PCLO: variants seen among roughly 807,000 people sequenced by gnomAD.
The protein encoded by PCLO is piccolo presynaptic cytomatrix protein, also known as protein piccolo.
A neutral mutation model predicts 427.5 loss-of-function variants in PCLO; 82 were observed. The ratio of observed to expected loss-of-function variants is 0.19; its 90% confidence interval spans 0.16 to 0.23. The LOEUF is 0.23. Ranked by LOEUF, PCLO falls within the 10% of genes least tolerant of loss-of-function variation. The pLI is 1.00. For missense variants in PCLO, 6,239 were observed against 6,115.9 expected (o/e 1.02, Z -0.67); for synonymous variants, 2,357 against 2,155.4 (o/e 1.09, Z -2.59).
chr7:82,957,742 C>T (rs2115589081), intron 4 of PCLO, among the ~76,000 whole-genome samples: 1 of 152,320 alleles, frequency 6.6e-6, no homozygotes, highest in African/African-American at 2.4e-5. Context: ...AGGTGTTTCA[C>T]TAATGTCACT....
chr7:83,139,682 CCCT>C (rs779274014), intron 2 of PCLO, among the ~76,000 whole-genome samples: 9 of 152,116 alleles, frequency 5.9e-5, no homozygotes, highest in Non-Finnish European at 1.0e-4. Flanking sequence ...AGACTCCAAC[CCCT>C]CATCTTTTGT....
chr7:82,871,283 T>C (rs1014901984), intron 10 of PCLO, among the ~76,000 whole-genome samples: 4 of 151,980 alleles, frequency 2.6e-5, no homozygotes, highest in African/African-American at 7.2e-5. Context: ...ATTGAAAGAA[T>C]GAAATCATAT....
At position 82,956,095 on chromosome 7, in the gene PCLO, C is replaced by A; in HGVS notation, c.4858G>T (p.Asp1620Tyr). Residue 1620 changes from aspartate (D) to tyrosine (Y), a missense_variant, in exon 5 of 25, where the codon GAT (aspartate) becomes TAT (tyrosine). By Grantham distance (160) the Asp-to-Tyr change is radical (BLOSUM62 -3). This residue lies in a region of PCLO where 4,677 missense variants were observed against 4,468.4 expected (regional missense o/e 1.05). Coordinates refer to ENST00000333891, the MANE Select transcript of PCLO (RefSeq NM_033026.6). ...GAGTGACGTCTTCCTGCATCTTCATCAATGCTTGTGCTACTTTTTCGAGTC... is the reference window on the plus strand; with the variant it reads ...GAGTGACGTCTTCCTGCATCTTCATAAATGCTTGTGCTACTTTTTCGAGTC... ...RLTRKSSTSI[D>Y]EDAGRRHSWH... is the part of the protein sequence containing the mutation. 1 of 1,611,232 alleles carries A rather than the reference C, an allele frequency of 6.2e-7. No homozygotes were observed. Among genetic ancestry groups the A allele is most frequent in the African/African-American group, 1.3e-5 (1 of 75,044 alleles).
intron 3 of PCLO, among the ~76,000 whole-genome samples, chr7:83,020,553 C>T (rs912622619): frequency 6.6e-6 from 1 of 152,088 alleles, no homozygotes; most frequent in Non-Finnish European, 1.5e-5. Flanking sequence ...TCTCTTTTGG[C>T]CTCCTGCTCT....
chr7:82,857,459 C>T (rs1431868844), intron 10 of PCLO, among the ~76,000 whole-genome samples: 3 of 152,074 alleles, frequency 2.0e-5, no homozygotes, highest in African/African-American at 7.2e-5. Context: ...TATCTTACTA[C>T]TCAGATGATA....
At chr7:82,985,561 G>A (rs149349451) in intron 3 of PCLO, among the ~76,000 whole-genome samples, 11 of 151,888 alleles carry the variant, frequency 7.2e-5, no homozygotes, top group South Asian at 2.1e-4. Flanking sequence ...AGGCTGTGTC[G>A]TTTTCTGCTT....
At chr7:82,925,017 G>A (rs571396152) in intron 6 of PCLO, among the ~76,000 whole-genome samples, 1 of 152,196 alleles carries the variant, frequency 6.6e-6, no homozygotes, top group African/African-American at 2.4e-5. Flanking sequence ...AGGGTCATTT[G>A]TCCCATTTTA....
intron 3 of PCLO, among the ~76,000 whole-genome samples, chr7:83,089,826 G>T (rs1486198736): frequency 1.3e-5 from 2 of 152,092 alleles, no homozygotes; most frequent in African/African-American, 4.8e-5. Flanking sequence ...AGTCCCCCTT[G>T]CCTTCTGAAT....
At chr7:82,939,727 A>T (rs1233289838) in intron 6 of PCLO, among the ~76,000 whole-genome samples, 1 of 148,118 alleles carries the variant, frequency 6.8e-6, no homozygotes, top group Non-Finnish European at 1.5e-5. Context: ...TAAAATATAT[A>T]TTTTTATTAT....
rs1482008986 is a variant in PCLO, at chr7:82,951,974, G to A, written c.8979C>T (p.Ser2993=). Residue 2993 remains serine (S), a synonymous_variant, in exon 5 of 25, where the codon TCC becomes TCT. Transcript: ENST00000333891. Reference sequence around the variant, plus strand: ...CTTCTGCTAAATTTGTGTCAGACATGGAAGGCTTCATTCCCCCAATCCCTC... The same window carrying A: ...CTTCTGCTAAATTTGTGTCAGACATAGAAGGCTTCATTCCCCCAATCCCTC... ...GYRGIGGMKP[S]MSDTNLAEAG... is the part of the protein sequence containing the mutation. 6.2e-7 allele frequency: 1 copy of A among 1,613,890 alleles called. No homozygotes were observed. The highest frequency in any genetic ancestry group is 8.5e-7 in the Non-Finnish European group (1 of 1,179,832).
At chr7:82,780,507 C>G (rs1370291886) in intron 22 of PCLO, among the ~76,000 whole-genome samples, 1 of 152,070 alleles carries the variant, frequency 6.6e-6, no homozygotes, top group African/African-American at 2.4e-5. Context: ...AATGCTTGAA[C>G]AGCAAAATAA....
chr7:83,059,794 T>C (rs1789498609), intron 3 of PCLO, among the ~76,000 whole-genome samples: 1 of 151,832 alleles, frequency 6.6e-6, no homozygotes, highest in African/African-American at 2.4e-5. Flanking sequence ...CCCAATTAGA[T>C]GGAAAGTAGA....
intron 21 of PCLO, among the ~76,000 whole-genome samples, chr7:82,805,086 C>CTTTTTTTTTTTTTT (rs111966448): frequency 6.7e-6 from 1 of 149,298 alleles, no homozygotes; most frequent in Non-Finnish European, 1.5e-5. Flanking sequence ...TGCAAAATGA[C>CTTTTTTTTTTTTTT]TTTTTTTTTA....
intron 6 of PCLO, among the ~76,000 whole-genome samples, chr7:82,926,509 A>C (rs2116320816): frequency 6.6e-6 from 1 of 152,326 alleles, no homozygotes; most frequent in South Asian, 2.1e-4. Flanking sequence ...TACATGTATA[A>C]GTTATTTATC....
chr7:82,824,283 G>C lies in PCLO; in HGVS notation c.14549C>G (p.Ser4850Cys), dbSNP rs765801074. ...ACCATGGCTTCTGCTTTTGATAACAGATGGCTTTGGGGACTGCTGGCTGCT... is the reference window on the plus strand; with the variant it reads ...ACCATGGCTTCTGCTTTTGATAACACATGGCTTTGGGGACTGCTGGCTGCT... The part of the protein sequence containing the change: ...SQSSQQSPKP[S>C]VIKSRSHGIF... The change falls in exon 19 of 25, where the codon TCT becomes TGT. Residue 4850 changes from serine (S) to cysteine (C), a missense_variant. Physicochemically the swap from Ser to Cys is moderately radical, Grantham distance 112. Coordinates refer to ENST00000333891, the MANE Select transcript of PCLO (RefSeq NM_033026.6). The C allele has an allele frequency of 1.2e-6, 2 of 1,613,370 alleles. No homozygotes were observed. The highest frequency in any genetic ancestry group is 3.3e-5 in the Admixed American group (2 of 59,934).
At chr7:82,923,797 C>T (rs1017283534) in intron 6 of PCLO, among the ~76,000 whole-genome samples, 1 of 151,978 alleles carries the variant, frequency 6.6e-6, no homozygotes, top group Non-Finnish European at 1.5e-5. Flanking sequence ...ATTCATGTAC[C>T]AACCATGGCT....
chr7:82,953,729 A>AGGGGGGGGG lies in PCLO; in HGVS notation c.7223_7224insCCCCCCCCC (p.Pro2424_Pro2426dup). The AGGGGGGGGG allele has an allele frequency of 1.7e-6, 1 of 585,250 alleles. No homozygotes were observed. Among genetic ancestry groups the AGGGGGGGGG allele is most frequent in the Non-Finnish European group, 2.3e-6 (1 of 440,716 alleles). The allele number at this position is 585,250 out of a possible 1,614,324, so 36.3% of individuals were successfully genotyped here. ...GAGGAGGAGGAGGGGGAGGGGGAGG[A>AGGGGGGGGG]GGGGGAGGAGGTTGAGCTGATATAT... On this transcript the variant is annotated inframe_insertion, in exon 5 of 25. Transcript: ENST00000333891.
At chr7:82,843,096 A>G (rs1584036960) in intron 13 of PCLO, among the ~76,000 whole-genome samples, 1 of 152,268 alleles carries the variant, frequency 6.6e-6, no homozygotes, top group East Asian at 1.9e-4. Flanking sequence ...AGAGATACCA[A>G]CACTCTCAGG....
At chr7:82,784,711 AAGGTAT>A (rs1372550585) in intron 22 of PCLO, among the ~76,000 whole-genome samples, 4 of 152,168 alleles carry the variant, frequency 2.6e-5, no homozygotes, top group Admixed American at 2.6e-4. Context: ...TGTTTACAAA[AAGGTAT>A]ATCTGTGAGA....
Sources: gnomAD v4.1 joint callset for allele counts (sites outside exome capture counted in the v4.1 genomes callset) on GRCh38, gnomAD v4.1.1 for gene constraint, gnomAD v4.1.1 regional missense constraint, MANE v1.5 for transcripts, NCBI Gene and HGNC (gene_info 2026-07-23, HGNC 2026-07-21) for gene names.